Variants in CCSER1 observed in about 807,000 individuals in gnomAD.
CCSER1 encodes serine-rich coiled-coil domain-containing protein 1.
A neutral mutation model predicts 82.0 loss-of-function variants in CCSER1; 41 were observed. The ratio of observed to expected loss-of-function variants is 0.50; its 90% CI spans 0.39 to 0.65. The LOEUF (loss-of-function observed/expected upper bound fraction) is 0.65. CCSER1 is among the 30% of genes least tolerant of loss of function. CCSER1 has a pLI of 0.00. For missense variants in CCSER1, 1,119 were observed against 1,064.2 expected, an observed-to-expected ratio of 1.05 and a Z score of -0.72; for synonymous variants, 414 against 383.9, an observed-to-expected ratio of 1.08 and a Z score of -0.92.
intron 5 of CCSER1, among the ~76,000 whole-genome samples, chr4:90,481,857 C>G (rs1291650032): frequency 6.6e-6 from 1 of 152,094 alleles, no homozygotes; most frequent in Non-Finnish European, 1.5e-5. Context: ...CTCTGCCAGG[C>G]TTTGGTATCA....
At chr4:90,514,537 C>T (rs914807487) in intron 5 of CCSER1, among the ~76,000 whole-genome samples, 2 of 152,088 alleles carry the variant, frequency 1.3e-5, no homozygotes, top group African/African-American at 4.8e-5. Flanking sequence ...GGGTGGATCA[C>T]CTGAGGTTAG....
chr4:90,741,058 A>G (rs983750504), intron 7 of CCSER1, among the ~76,000 whole-genome samples: 1 of 152,182 alleles, frequency 6.6e-6, no homozygotes, highest in Non-Finnish European at 1.5e-5. Context: ...TCTGTAGGAT[A>G]AGCTTGAATA....
chr4:90,957,253 C>CA (rs1554050074), intron 9 of CCSER1, among the ~76,000 whole-genome samples: 7 of 146,140 alleles, frequency 4.8e-5, no homozygotes, highest in East Asian at 2.0e-4. Context: ...AGGCCCCCCC[C>CA]ACCACGTCCA....
chr4:91,549,697 C>T lies in CCSER1; in HGVS notation c.2218-48875C>T, dbSNP rs528891978. On this transcript the variant is annotated intron_variant, in intron 10 of 10. Coordinates refer to ENST00000509176, the MANE Select transcript of CCSER1 (RefSeq NM_001145065.2). ...ACTAAAAATACAAAAATTAGACGGC[C>T]GTGCTGGTGCGCCTGTAATCCCAGC... Among the ~76,000 whole-genome samples, 8 of 152,092 alleles carry T rather than the reference C, an allele frequency of 5.3e-5. No individual in the cohort carries two copies. In the South Asian group the frequency reaches 1.2e-3, roughly 24 times the overall value.
At chr4:91,596,484 C>T (rs935714899) in intron 10 of CCSER1, among the ~76,000 whole-genome samples, 1 of 151,910 alleles carries the variant, frequency 6.6e-6, no homozygotes. Flanking sequence ...ATATTGAGCA[C>T]AAGGTTGATT....
chr4:91,430,334 G>C (rs965966192), intron 10 of CCSER1, among the ~76,000 whole-genome samples: 23 of 152,060 alleles, frequency 1.5e-4, no homozygotes, highest in African/African-American at 5.5e-4. Flanking sequence ...TATTGCATAG[G>C]GTATGTGTAT....
chr4:90,763,935 T>C (rs899727785), intron 7 of CCSER1, among the ~76,000 whole-genome samples: 1 of 152,234 alleles, frequency 6.6e-6, no homozygotes. Context: ...TGCATTAGCT[T>C]TTAAAATGTT....
At position 90,712,792 on chromosome 4, in the gene CCSER1, G is replaced by A. The variant is rs191346345; in HGVS notation, c.1933-11122G>A. Among the ~76,000 whole-genome samples, 21 of 151,596 alleles carry A rather than the reference G, an allele frequency of 1.4e-4. No homozygotes were observed. The East Asian group carries it at 3.7e-3, about 27-fold the overall frequency. ...GTTGAAGTCTTTTTGTAGGTCTCTA[G>A]GAACTTGCTTTATGAATCTGGGTGC... On this transcript the variant is annotated intron_variant, in intron 6 of 10. Transcript: ENST00000509176.
At chr4:91,157,385 G>C (rs981422814) in intron 10 of CCSER1, among the ~76,000 whole-genome samples, 1 of 151,942 alleles carries the variant, frequency 6.6e-6, no homozygotes, top group Non-Finnish European at 1.5e-5. Flanking sequence ...TTTCAGATGA[G>C]TAAGACAGCC....
chr4:90,718,303 G>A (rs1742016833), intron 6 of CCSER1, among the ~76,000 whole-genome samples: 1 of 152,014 alleles, frequency 6.6e-6, no homozygotes, highest in African/African-American at 2.4e-5. Flanking sequence ...ATCTTTTTGT[G>A]TACTCAGAAG....
At chr4:90,478,894 C>A (rs1277427371) in intron 5 of CCSER1, among the ~76,000 whole-genome samples, 1 of 151,916 alleles carries the variant, frequency 6.6e-6, no homozygotes, top group South Asian at 2.1e-4. Flanking sequence ...GCACGTGCCA[C>A]CACACTCGGC....
In CCSER1 at chr4:90,269,946, A is replaced by G. The variant is rs1725952486; in HGVS notation, c.-41-38298A>G. Among the ~76,000 whole-genome samples, 4 of 152,140 alleles carry G rather than the reference A, an allele frequency of 2.6e-5. No individual in the cohort carries two copies. The South Asian group carries it at 8.3e-4, about 32-fold the overall frequency. ...AGAAGAAATTGAGAAATCCCTAGAC[A>G]CATATAACCTACCAAGATTGACCTG... On this transcript the variant is annotated intron_variant, in intron 1 of 10. Transcript: ENST00000509176.
chr4:91,443,638 A>T (rs113601991), intron 10 of CCSER1, among the ~76,000 whole-genome samples: 5 of 151,154 alleles, frequency 3.3e-5, no homozygotes, highest in African/African-American at 1.2e-4. Flanking sequence ...CGTGTACCCT[A>T]AAACTTAAAG....
At chr4:90,196,829 G>C (rs1247691177) in intron 1 of CCSER1, among the ~76,000 whole-genome samples, 4 of 152,098 alleles carry the variant, frequency 2.6e-5, no homozygotes, top group African/African-American at 9.7e-5. Context: ...GGAAAAGCAA[G>C]TGTTTTTGCT....
intron 9 of CCSER1, among the ~76,000 whole-genome samples, chr4:91,000,055 CTG>C (rs1297730532): frequency 6.6e-6 from 1 of 151,840 alleles, no homozygotes; most frequent in African/African-American, 2.4e-5. Flanking sequence ...TCTTTCCCCA[CTG>C]TTTATTTTTG....
chr4:90,546,676 A>G (rs142312678), intron 5 of CCSER1, among the ~76,000 whole-genome samples: 12 of 152,224 alleles, frequency 7.9e-5, no homozygotes, highest in Non-Finnish European at 1.2e-4. Context: ...AAAATTTCCT[A>G]TAAAAGATAC....
chr4:90,476,021 C>CGTGTGT (rs148001576), intron 5 of CCSER1, among the ~76,000 whole-genome samples: 2,235 of 148,484 alleles, frequency 0.015, 15 homozygotes, highest in Non-Finnish European at 0.022. Context: ...CTTCTTTTCT[C>CGTGTGT]GTGTGTGTGT....
At chr4:91,321,728 G>C (rs1746208865) in intron 10 of CCSER1, among the ~76,000 whole-genome samples, 1 of 151,948 alleles carries the variant, frequency 6.6e-6, no homozygotes, top group South Asian at 2.1e-4. Flanking sequence ...TTCTCTGCAA[G>C]AGCAGACAGA....
Position 91,195,878 on chromosome 4 carries a change from C to CATG in CCSER1, c.2217+109885_2217+109886insTGA, listed in dbSNP as rs1342596728. 1.8e-4 allele frequency among the ~76,000 whole-genome samples: 28 copies of CATG among 152,014 alleles called. 1 individual carries two copies. The highest frequency in any genetic ancestry group is 6.3e-4 in the African/African-American group (26 of 41,346). On this transcript the variant is annotated intron_variant, in intron 10 of 10. Transcript: ENST00000509176. The stretch of plus-strand genomic sequence containing the variant: ...GTGATTCACACCGTTCCCTTTCTTA[C>CATG]AACTCTTCATGACTCCACCTTGCCA...
Sources: gnomAD v4.1 joint callset for allele counts (sites outside exome capture counted in the v4.1 genomes callset) on GRCh38, gnomAD v4.1.1 for gene constraint, MANE v1.5 for transcripts, NCBI Gene and HGNC (gene_info 2026-07-23, HGNC 2026-07-21) for gene names.